Variants in FAM171A1 observed in about 807,000 individuals in gnomAD.
FAM171A1 encodes family with sequence similarity 171 member A1, also known as protein FAM171A1.
In FAM171A1, 23 loss-of-function variants were observed where a neutral mutation model predicts 74.9. The observed-to-expected ratio is 0.31, with a 90% confidence interval of 0.22 to 0.44. The LOEUF (loss-of-function observed/expected upper bound fraction) is 0.44. FAM171A1 is among the 20% of genes least tolerant of loss of function. FAM171A1 has a pLI of 1.00. For synonymous variants in FAM171A1, 527 were observed against 505.7 expected, an observed-to-expected ratio of 1.04 and a Z score of -0.57; for missense variants, 1,162 against 1,159.2, an observed-to-expected ratio of 1.00 and a Z score of -0.03.
At chr10:15,265,268 CGTGT>C (rs772804842) in intron 3 of FAM171A1, among the ~76,000 whole-genome samples, 15 of 151,104 alleles carry the variant, frequency 9.9e-5, no homozygotes, top group Non-Finnish European at 1.3e-4. Flanking sequence ...TGTGTGTGTG[CGTGT>C]GTGTTTGTGT....
chr10:15,284,186 G>A, intron 1 of FAM171A1, 81 bp from the exon 2 acceptor site: 1 of 1,285,294 alleles, frequency 7.8e-7, no homozygotes, highest in South Asian at 1.3e-5. Flanking sequence ...GTGATGGGAA[G>A]TGGAAGGAGG....
chr10:15,226,249 T>C (rs888172187), intron 5 of FAM171A1, among the ~76,000 whole-genome samples: 3 of 152,160 alleles, frequency 2.0e-5, no homozygotes, highest in Admixed American at 2.0e-4. Flanking sequence ...GGCTGGACAA[T>C]GACATGTGCC....
intron 5 of FAM171A1, among the ~76,000 whole-genome samples, chr10:15,222,793 C>G (rs980204474): frequency 1.3e-5 from 2 of 152,234 alleles, no homozygotes; most frequent in African/African-American, 4.8e-5. Flanking sequence ...GGCAGCGGCA[C>G]ACAGTGGGCA....
At chr10:15,346,262 A>G (rs1835816505) in intron 1 of FAM171A1, among the ~76,000 whole-genome samples, 1 of 152,060 alleles carries the variant, frequency 6.6e-6, no homozygotes, top group African/African-American at 2.4e-5. Context: ...TGCCTGGTTA[A>G]TTTATTTTTA....
intron 1 of FAM171A1, among the ~76,000 whole-genome samples, chr10:15,289,680 C>T (rs142570971): frequency 5.3e-5 from 8 of 152,346 alleles, no homozygotes; most frequent in African/African-American, 1.4e-4. Context: ...TCAAACCCTT[C>T]GATGCGTCCC....
At chr10:15,239,744 C>T (rs1339574251) in intron 5 of FAM171A1, among the ~76,000 whole-genome samples, 1 of 152,234 alleles carries the variant, frequency 6.6e-6, no homozygotes, top group Non-Finnish European at 1.5e-5. Context: ...CTCTACGAAT[C>T]ACAGCATTTT....
intron 5 of FAM171A1, among the ~76,000 whole-genome samples, chr10:15,228,406 T>C (rs189024588): frequency 6.7e-6 from 1 of 150,288 alleles, no homozygotes; most frequent in East Asian, 2.0e-4. Flanking sequence ...GCAGTGTTGC[T>C]ATCTTGGCTC....
At chr10:15,241,694 T>A (rs1331095089) in intron 5 of FAM171A1, 2 of 152,218 alleles carry the variant, frequency 1.3e-5, no homozygotes, top group Non-Finnish European at 2.9e-5. Context: ...CTAATTAACA[T>A]ATCCATCACT....
At chr10:15,251,130 C>T (rs1426427765) in intron 4 of FAM171A1, among the ~76,000 whole-genome samples, 1 of 152,138 alleles carries the variant, frequency 6.6e-6, no homozygotes, top group African/African-American at 2.4e-5. Flanking sequence ...TAGATGCCTT[C>T]CTGCATCTAT....
intron 1 of FAM171A1, among the ~76,000 whole-genome samples, chr10:15,332,933 C>A (rs945223243): frequency 2.0e-5 from 3 of 152,180 alleles, no homozygotes; most frequent in African/African-American, 7.2e-5. Flanking sequence ...AAAGCGATGT[C>A]ATTCCCCCAG....
chr10:15,223,932 C>A (rs773937294), intron 5 of FAM171A1, among the ~76,000 whole-genome samples: 5 of 151,936 alleles, frequency 3.3e-5, no homozygotes, highest in East Asian at 1.9e-4. Context: ...ACAAAAAAAA[C>A]CCCTCCACAT....
intron 5 of FAM171A1, among the ~76,000 whole-genome samples, chr10:15,228,841 G>C (rs578071011): frequency 6.6e-6 from 1 of 152,332 alleles, no homozygotes; most frequent in East Asian, 1.9e-4. Context: ...ACACAGAAGA[G>C]GAGCTGAACG....
Position 15,370,792 on chromosome 10 carries a change from C to G in FAM171A1, c.97+164G>C, listed in dbSNP as rs1180256813. ...GCGTCGCCGGCCCGCGCCGCCCCCT[C>G]GGGAGCGCGTTGCGGGTGCTGCAGG... On this transcript the variant is annotated intron_variant, in intron 1 of 7. Transcript: ENST00000378116. 1.6e-4 allele frequency among the ~76,000 whole-genome samples: 23 copies of G among 147,772 alleles called. 1 individual carries two copies. The highest frequency in any genetic ancestry group is 5.3e-4 in the African/African-American group (21 of 39,878).
chr10:15,356,935 C>T (rs977453637), intron 1 of FAM171A1, among the ~76,000 whole-genome samples: 8 of 151,596 alleles, frequency 5.3e-5, no homozygotes, highest in Non-Finnish European at 1.0e-4. Flanking sequence ...CATGCCACTG[C>T]CCTCCAGCCT....
At chr10:15,283,416 C>T (rs959533845) in intron 2 of FAM171A1, among the ~76,000 whole-genome samples, 1 of 152,154 alleles carries the variant, frequency 6.6e-6, no homozygotes, top group Non-Finnish European at 1.5e-5. Context: ...TCCATTGTAT[C>T]TGTATCAAAT....
chr10:15,331,453 A>G lies in FAM171A1; in HGVS notation c.97+39503T>C, dbSNP rs114065800. 4.2e-3 allele frequency among the ~76,000 whole-genome samples: 643 copies of G among 152,202 alleles called. 6 individuals carry two copies. Among genetic ancestry groups the G allele is most frequent in the African/African-American group, 0.015 (619 of 41,514 alleles). On this transcript the variant is annotated intron_variant, in intron 1 of 7. Coordinates refer to ENST00000378116, the MANE Select transcript of FAM171A1 (RefSeq NM_001010924.2). Reference sequence around the variant, plus strand: ...GTTCTGGAAGTATCTCCCACCTATGAACACAGATGGGCACAGCAGGCTTGT... The same window carrying G: ...GTTCTGGAAGTATCTCCCACCTATGGACACAGATGGGCACAGCAGGCTTGT...
chr10:15,246,134 G>A (rs764327689), intron 5 of FAM171A1, among the ~76,000 whole-genome samples: 32 of 151,778 alleles, frequency 2.1e-4, no homozygotes, highest in African/African-American at 4.6e-4. Flanking sequence ...TGCCCGTCTC[G>A]CTTACTGCAG....
At chr10:15,240,645 T>C (rs1269330220) in intron 5 of FAM171A1, 2 of 884,840 alleles carry the variant, frequency 2.3e-6, no homozygotes, top group Non-Finnish European at 2.7e-6. Flanking sequence ...AGAGCATCTC[T>C]AGTTCTCTCT....
chr10:15,227,092 T>G (rs759602731), intron 5 of FAM171A1, among the ~76,000 whole-genome samples: 5 of 152,146 alleles, frequency 3.3e-5, no homozygotes, highest in African/African-American at 4.8e-5. Flanking sequence ...CTCTGCCTCC[T>G]GGGTTCAAGT....
Sources: allele counts gnomAD v4.1 joint callset (sites outside exome capture counted in the v4.1 genomes callset), GRCh38; gene constraint gnomAD v4.1.1; transcripts MANE v1.5; gene names NCBI Gene and HGNC (gene_info 2026-07-23, HGNC 2026-07-21).